FMN2: variants seen among roughly 807,000 people sequenced by gnomAD.
FMN2 encodes formin-2.
Under a neutral mutation model 142.3 loss-of-function variants are expected in FMN2, and 51 were observed. The ratio of observed to expected loss-of-function variants is 0.36; its 90% CI spans 0.29 to 0.45. The LOEUF is 0.45. Ranked by LOEUF, FMN2 falls within the 20% of genes least tolerant of loss-of-function variation. The probability of loss-of-function intolerance (pLI) is 1.00; values close to 1 mark genes in which losing one functional copy is unlikely to be tolerated. For missense variants in FMN2, 1,936 were observed against 2,122.8 expected (o/e 0.91, Z 1.73); for synonymous variants, 882 against 869.8 (o/e 1.01, Z -0.25).
chr1:240,335,705 G>T (rs1464208311), intron 13 of FMN2, among the ~76,000 whole-genome samples: 1 of 152,134 alleles, frequency 6.6e-6, no homozygotes, highest in Non-Finnish European at 1.5e-5. Context: ...CATCACTTCG[G>T]AATGTGATCC....
At chr1:240,184,009 G>A (rs1665266818) in intron 3 of FMN2, among the ~76,000 whole-genome samples, 1 of 151,932 alleles carries the variant, frequency 6.6e-6, no homozygotes, top group Non-Finnish European at 1.5e-5. Flanking sequence ...TATTTTAAAG[G>A]GAGGTTTATT....
chr1:240,167,301 TG>T (rs879363171), intron 2 of FMN2, among the ~76,000 whole-genome samples: 1 of 151,544 alleles, frequency 6.6e-6, no homozygotes, highest in Non-Finnish European at 1.5e-5. Flanking sequence ...TTATTTTGGG[TG>T]GGGGGGACAG....
chr1:240,141,985 C>T (rs1316098374), intron 2 of FMN2, among the ~76,000 whole-genome samples: 2 of 152,096 alleles, frequency 1.3e-5, no homozygotes, highest in Non-Finnish European at 2.9e-5. Context: ...TCCCATGATG[C>T]TATGTGTGAA....
At chr1:240,330,576 G>GT (rs766456351) in intron 10 of FMN2, 27 bp from the exon 11 acceptor site, 28 of 1,601,536 alleles carry the variant, frequency 1.7e-5, no homozygotes, top group Non-Finnish European at 2.3e-5. Flanking sequence ...GATAAAAGTT[G>GT]TTTTTTGTTG....
intron 6 of FMN2, among the ~76,000 whole-genome samples, chr1:240,228,334 A>AAAAAG (rs1197712284): frequency 1.4e-5 from 1 of 73,016 alleles, no homozygotes; most frequent in Non-Finnish European, 2.5e-5. Flanking sequence ...AAAAAAAAAG[A>AAAAAG]AAAAGAAAAA....
intron 7 of FMN2, among the ~76,000 whole-genome samples, chr1:240,293,693 C>G (rs1373528225): frequency 6.6e-6 from 1 of 152,064 alleles, no homozygotes; most frequent in Non-Finnish European, 1.5e-5. Context: ...TATTTCACAC[C>G]TAATTTTTTT....
intron 1 of FMN2, among the ~76,000 whole-genome samples, chr1:240,116,451 G>C (rs1662026628): frequency 6.6e-6 from 1 of 152,190 alleles, no homozygotes; most frequent in African/African-American, 2.4e-5. Context: ...GGGTAGAGAA[G>C]CCATTAAAAG....
chr1:240,316,604 C>G (rs2102994255), intron 8 of FMN2, among the ~76,000 whole-genome samples: 1 of 152,266 alleles, frequency 6.6e-6, no homozygotes, highest in South Asian at 2.1e-4. Flanking sequence ...ATGTGGGAGA[C>G]AGGAGACCAT....
intron 4 of FMN2, among the ~76,000 whole-genome samples, chr1:240,191,817 A>G (rs1665711079): frequency 6.6e-6 from 1 of 152,188 alleles, no homozygotes; most frequent in South Asian, 2.1e-4. Flanking sequence ...TCTTTCTAAT[A>G]TACATGGACT....
intron 6 of FMN2, chr1:240,245,692 G>A (rs1474826956): frequency 1.1e-5 from 5 of 450,464 alleles, no homozygotes; most frequent in African/African-American, 1.0e-4. Context: ...TGTAAAAGAT[G>A]AAAAGTTAAT....
At chr1:240,159,951 C>CTGTGTATATATATA (rs1664205194) in intron 2 of FMN2, among the ~76,000 whole-genome samples, 9 of 48,290 alleles carry the variant, frequency 1.9e-4, no homozygotes, top group Non-Finnish European at 3.7e-4. Context: ...ATATATATAT[C>CTGTGTATATATATA]TATATCTGTG....
At chr1:240,358,677 A>C (rs1010827645) in intron 14 of FMN2, among the ~76,000 whole-genome samples, 1 of 152,106 alleles carries the variant, frequency 6.6e-6, no homozygotes, top group East Asian at 1.9e-4. Flanking sequence ...AAACCATTAG[A>C]TCTCGTGAGA....
At chr1:240,111,513 C>G (rs1042824427) in intron 1 of FMN2, among the ~76,000 whole-genome samples, 6 of 152,062 alleles carry the variant, frequency 3.9e-5, no homozygotes, top group African/African-American at 1.4e-4. Context: ...GGGGAACTCC[C>G]TGATGTTGCC....
chr1:240,323,059 C>T (rs1017617914), intron 8 of FMN2, among the ~76,000 whole-genome samples: 2 of 152,058 alleles, frequency 1.3e-5, no homozygotes, highest in Non-Finnish European at 2.9e-5. Context: ...CTTTTCTTCT[C>T]TCCCCTTGTT....
At chr1:240,133,873 G>T (rs1455561302) in intron 2 of FMN2, among the ~76,000 whole-genome samples, 3 of 152,132 alleles carry the variant, frequency 2.0e-5, no homozygotes, top group African/African-American at 7.2e-5. Flanking sequence ...TTGTGTGAAG[G>T]TTCCTTGAAC....
chr1:240,093,135 TG>T lies in FMN2; in HGVS notation c.1030del (p.Asp344ThrfsTer108), dbSNP rs1484508144. 1.4e-6 allele frequency: 2 copies of T among 1,409,352 alleles called. No individual in the cohort carries two copies. Among genetic ancestry groups the T allele is most frequent in the Non-Finnish European group, 9.2e-7 (1 of 1,090,296 alleles). 87.3% of individuals were successfully genotyped at this position (1,409,352 alleles called of 1,614,324 possible). ...EAAGAPVRGA[G>X]DTDEEGEEDA... Reference sequence around the variant, plus strand: ...CGGCCGGAGCCCCCGTGCGAGGGGCTGGGGACACGGATGAGGAGGGTGAGGA... The same window carrying T: ...CGGCCGGAGCCCCCGTGCGAGGGGCTGGGACACGGATGAGGAGGGTGAGGA... On this transcript the variant is annotated frameshift_variant, in exon 1 of 18. Transcript: ENST00000319653. LOFTEE classifies it high-confidence loss of function.
intron 13 of FMN2, among the ~76,000 whole-genome samples, chr1:240,339,089 A>G (rs958166703): frequency 3.9e-5 from 6 of 152,166 alleles, no homozygotes; most frequent in South Asian, 2.1e-4. Flanking sequence ...AGGAGCGGCT[A>G]TAAATACAGA....
chr1:240,174,905 T>A (rs1664855309), intron 2 of FMN2, among the ~76,000 whole-genome samples: 1 of 152,246 alleles, frequency 6.6e-6, no homozygotes, highest in Non-Finnish European at 1.5e-5. Flanking sequence ...TATATTCACA[T>A]TGTTGTGCAA....
intron 8 of FMN2, among the ~76,000 whole-genome samples, chr1:240,315,291 T>C (rs1272337870): frequency 1.3e-5 from 2 of 152,248 alleles, no homozygotes; most frequent in African/African-American, 4.8e-5. Flanking sequence ...TGACTAAAGC[T>C]GGATCCTAAC....
Sources: allele counts gnomAD v4.1 joint callset (sites outside exome capture counted in the v4.1 genomes callset), GRCh38; gene constraint gnomAD v4.1.1; transcripts MANE v1.5; gene names NCBI Gene and HGNC (gene_info 2026-07-23, HGNC 2026-07-21).